Variants in KIAA0825 observed in about 807,000 individuals in gnomAD.
The protein encoded by KIAA0825 is KIAA0825.
Under a neutral mutation model 147.6 loss-of-function variants are expected in KIAA0825, and 119 were observed. That is an observed-to-expected ratio of 0.81 (90% CI 0.69 to 0.94). The LOEUF (loss-of-function observed/expected upper bound fraction) is 0.94. Among genes scored for constraint, KIAA0825 ranks in the 40% least tolerant of loss-of-function variants. The pLI, the probability that KIAA0825 is intolerant of heterozygous loss-of-function variation, is 0.00. For missense variants in KIAA0825, 1,381 were observed against 1,472.7 expected (o/e 0.94, Z 1.02); for synonymous variants, 470 against 518.1 (o/e 0.91, Z 1.26).
At chr5:94,428,290 A>G (rs1584465539) in intron 14 of KIAA0825, among the ~76,000 whole-genome samples, 2 of 151,986 alleles carry the variant, frequency 1.3e-5, no homozygotes, top group African/African-American at 4.8e-5. Context: ...TGATCCTATC[A>G]TGAAATTGTT....
intron 3 of KIAA0825, among the ~76,000 whole-genome samples, chr5:94,534,514 A>T (rs17083798): frequency 0.42 from 63,557 of 152,032 alleles, 14,645 homozygotes; most frequent in African/African-American, 0.63. Context: ...TCACTTGAAG[A>T]CGTTCTGCTC....
intron 2 of KIAA0825, chr5:94,568,404 G>T: frequency 6.5e-6 from 1 of 154,240 alleles, no homozygotes; most frequent in South Asian, 2.0e-4. Context: ...AATAGCACTC[G>T]AATAATTCTC....
chr5:94,422,611 C>G (rs968495781), intron 14 of KIAA0825, among the ~76,000 whole-genome samples: 2 of 152,086 alleles, frequency 1.3e-5, no homozygotes, highest in African/African-American at 4.8e-5. Flanking sequence ...CCTATAGTCC[C>G]TTACCCTTTC....
chr5:94,550,226 C>T (rs1434674755), intron 2 of KIAA0825, among the ~76,000 whole-genome samples: 4 of 152,154 alleles, frequency 2.6e-5, no homozygotes, highest in African/African-American at 9.7e-5. Flanking sequence ...GCTGGGAAAC[C>T]AATCTGTGCC....
chr5:94,161,390 A>G (rs1410214789), intron 20 of KIAA0825, among the ~76,000 whole-genome samples: 1 of 152,128 alleles, frequency 6.6e-6, no homozygotes, highest in Non-Finnish European at 1.5e-5. Flanking sequence ...ACCCACATGA[A>G]ATGCCTTTCC....
At chr5:94,336,792 G>C (rs1162937890) in intron 20 of KIAA0825, among the ~76,000 whole-genome samples, 1 of 152,038 alleles carries the variant, frequency 6.6e-6, no homozygotes, top group Non-Finnish European at 1.5e-5. Flanking sequence ...TGAGATTGCT[G>C]GGCCAAATGG....
chr5:94,341,264 T>G (rs1028642099), intron 20 of KIAA0825, among the ~76,000 whole-genome samples: 4 of 152,216 alleles, frequency 2.6e-5, no homozygotes, highest in Non-Finnish European at 5.9e-5. Flanking sequence ...CAGAGAGTTT[T>G]GTTTAAAATT....
rs148413088 is a variant in KIAA0825 at position 94,609,079 on chromosome 5, A to G, written c.-153+9421T>C. On this transcript the variant is annotated intron_variant, in intron 1 of 20. Transcript: ENST00000682413. ...TGATTTCAGATTCTACACTGCAACT[A>G]AATTTTAATAAAATTCCACTTGTTA... is the stretch of plus-strand genomic sequence containing the variant. Among the ~76,000 whole-genome samples the G allele has an allele frequency of 7.0e-3, 1,064 of 152,338 alleles. 15 individuals are homozygous for G. Among genetic ancestry groups the G allele is most frequent in the African/African-American group, 0.024 (984 of 41,576 alleles).
chr5:94,544,202 G>A (rs950200633), intron 2 of KIAA0825, among the ~76,000 whole-genome samples: 1 of 152,120 alleles, frequency 6.6e-6, no homozygotes, highest in African/African-American at 2.4e-5. Flanking sequence ...CCCATGCCTT[G>A]GTAGAGGCCC....
intron 14 of KIAA0825, among the ~76,000 whole-genome samples, chr5:94,427,015 T>C (rs184805824): frequency 1.3e-5 from 2 of 152,318 alleles, no homozygotes; most frequent in East Asian, 3.9e-4. Context: ...GAAGACTGTA[T>C]GGTATACAAG....
chr5:94,196,005 T>G (rs2150010852), intron 20 of KIAA0825, among the ~76,000 whole-genome samples: 1 of 152,334 alleles, frequency 6.6e-6, no homozygotes, highest in African/African-American at 2.4e-5. Context: ...GCAGGAGGGT[T>G]GCTTCCAGGC....
chr5:94,159,393 G>A (rs1767336641), intron 20 of KIAA0825, among the ~76,000 whole-genome samples: 1 of 152,120 alleles, frequency 6.6e-6, no homozygotes. Flanking sequence ...AATAGTGGAT[G>A]AGCTATAAAT....
At chr5:94,415,981 A>G (rs986693625) in intron 15 of KIAA0825, 14 of 152,330 alleles carry the variant, frequency 9.2e-5, no homozygotes, top group African/African-American at 3.1e-4. Flanking sequence ...TTCCCCAGAA[A>G]CAACTAAAAT....
chr5:94,585,706 G>GAACTCTACACCCCAAATC (rs1433677611), intron 1 of KIAA0825, among the ~76,000 whole-genome samples: 2 of 152,144 alleles, frequency 1.3e-5, no homozygotes, highest in African/African-American at 2.4e-5. Flanking sequence ...GATATCTACA[G>GAACTCTACACCCCAAATC]AACTCTACAC....
Position 94,347,251 on chromosome 5 carries a change from C to T in KIAA0825, c.3710+37117G>A, listed in dbSNP as rs116099802. ...CTAGTAGCAGAAAAGGGCATATAAT[C>T]GGGAGTTCTAGGGCTCCGCCCACTG... On this transcript the variant is annotated intron_variant, in intron 20 of 20. Transcript: ENST00000682413. Among the ~76,000 whole-genome samples, 326 of 152,298 alleles carry T rather than the reference C, an allele frequency of 2.1e-3. 2 individuals carry two copies. The highest frequency in any genetic ancestry group is 7.5e-3 in the African/African-American group (311 of 41,564).
chr5:94,391,753 A>G (rs1317120301), intron 17 of KIAA0825, 59 bp from the exon 18 acceptor site: 34 of 1,308,056 alleles, frequency 2.6e-5, no homozygotes, highest in Middle Eastern at 3.9e-4. Flanking sequence ...ATGGAGAGTA[A>G]TCATGGAGAT....
In KIAA0825 at chr5:94,529,495, AAATCT is replaced by A. The variant is rs1770337048; in HGVS notation, c.132-5402_132-5398del. Among the ~76,000 whole-genome samples the A allele has an allele frequency of 3.3e-5, 5 of 150,504 alleles. No individual in the cohort carries two copies. In the South Asian group the frequency reaches 1.0e-3, roughly 31 times the overall value. On this transcript the variant is annotated intron_variant, in intron 3 of 20. Coordinates refer to ENST00000682413, the MANE Select transcript of KIAA0825 (RefSeq NM_001145678.3). ...GTGTATATAGATACACTAAGTAAAA[AAATCT>A]GACCACAGAATGTACATATAATTCC... is the stretch of plus-strand genomic sequence containing the variant.
chr5:94,508,114 G>A (rs1304841352), intron 5 of KIAA0825, among the ~76,000 whole-genome samples: 1 of 150,280 alleles, frequency 6.7e-6, no homozygotes, highest in African/African-American at 2.5e-5. Context: ...CCTTTTTTAT[G>A]TCTCACTGTG....
At chr5:94,444,560 G>A (rs1056809389) in intron 13 of KIAA0825, among the ~76,000 whole-genome samples, 9 of 151,912 alleles carry the variant, frequency 5.9e-5, no homozygotes, top group South Asian at 2.1e-4. Context: ...TGAAGGTCTC[G>A]GTGACCCCAC....
Sources: gnomAD v4.1 joint callset for allele counts (sites outside exome capture counted in the v4.1 genomes callset) on GRCh38, gnomAD v4.1.1 for gene constraint, MANE v1.5 for transcripts, NCBI Gene and HGNC (gene_info 2026-07-23, HGNC 2026-07-21) for gene names.